Variants in RCL1 observed in about 807,000 individuals in gnomAD.
RCL1 encodes the protein RNA 3'-terminal phosphate cyclase-like protein.
In RCL1, 24 loss-of-function variants were observed where a neutral mutation model predicts 42.4. That is an observed-to-expected ratio of 0.57 (90% CI 0.41 to 0.80). RCL1 has a LOEUF of 0.80. RCL1 is among the 30% of genes least tolerant of loss of function. RCL1 has a pLI of 0.00. For synonymous variants in RCL1, 228 were observed against 177.3 expected (o/e 1.29, Z -2.27); for missense variants, 578 against 467.9 (o/e 1.24, Z -2.17).
intron 1 of RCL1, among the ~76,000 whole-genome samples, chr9:4,815,188 C>A (rs1294244086): frequency 6.6e-6 from 1 of 152,048 alleles, no homozygotes; most frequent in Non-Finnish European, 1.5e-5. Flanking sequence ...TCACCTATTT[C>A]ATTTGGCAGG....
At position 4,860,131 on chromosome 9, in the gene RCL1, A is replaced by AT; in HGVS notation, c.983dup (p.Leu328PhefsTer13). ...TTATTTTTTTCCTTTTTAGGATAGA[A>AT]TTTTTGCGGCATTTGAAGAGCTTTT... On this transcript the variant is annotated frameshift_variant, in exon 9 of 9. Coordinates refer to ENST00000381750, the MANE Select transcript of RCL1 (RefSeq NM_005772.5). LOFTEE classifies it high-confidence loss of function. 6.3e-7 allele frequency: 1 copy of AT among 1,578,244 alleles called. No individual in the cohort carries two copies. Among genetic ancestry groups the AT allele is most frequent in the Non-Finnish European group, 8.6e-7 (1 of 1,166,056 alleles).
chr9:4,844,367 A>G (rs564424304), intron 6 of RCL1, among the ~76,000 whole-genome samples, 158 bp from the exon 7 acceptor site: 1 of 152,334 alleles, frequency 6.6e-6, no homozygotes, highest in East Asian at 1.9e-4. Context: ...CTGGTCAGCT[A>G]GTAAACTAGT....
In RCL1 at chr9:4,852,537, C is replaced by G. The variant is rs550593208; in HGVS notation, c.971+2987C>G. Reference sequence around the variant, plus strand: ...TATCTGGACTTAAGGCTCTACCACGCGCTACCAGGAGACCGTGGAAATGGT... The same window carrying G: ...TATCTGGACTTAAGGCTCTACCACGGGCTACCAGGAGACCGTGGAAATGGT... On this transcript the variant is annotated intron_variant, in intron 8 of 8. Transcript: ENST00000381750. Among the ~76,000 whole-genome samples, 4 of 152,282 alleles carry G rather than the reference C, an allele frequency of 2.6e-5. No individual in the cohort carries two copies. In the East Asian group the frequency reaches 7.7e-4, roughly 29 times the overall value.
intron 1 of RCL1, among the ~76,000 whole-genome samples, chr9:4,808,942 C>T (rs1194363767): frequency 1.3e-5 from 2 of 152,174 alleles, no homozygotes; most frequent in African/African-American, 4.8e-5. Context: ...GTAATCTGTG[C>T]AGGTTACATC....
intron 3 of RCL1, among the ~76,000 whole-genome samples, chr9:4,832,239 A>T (rs1298274772): frequency 6.6e-6 from 1 of 152,182 alleles, no homozygotes; most frequent in Non-Finnish European, 1.5e-5. Context: ...GCCATTAACT[A>T]TGGATGTTGT....
At chr9:4,847,066 A>G (rs1397340827) in intron 7 of RCL1, among the ~76,000 whole-genome samples, 1 of 151,850 alleles carries the variant, frequency 6.6e-6, no homozygotes, top group Admixed American at 6.6e-5. Context: ...TTTAGTAGAG[A>G]TAGGGTTTCT....
chr9:4,825,609 T>C (rs1187717554), intron 2 of RCL1, among the ~76,000 whole-genome samples: 2 of 152,222 alleles, frequency 1.3e-5, no homozygotes, highest in Non-Finnish European at 2.9e-5. Context: ...CTTCCTCTAA[T>C]GTTAAATATA....
chr9:4,854,056 G>A (rs866196603), intron 8 of RCL1, among the ~76,000 whole-genome samples: 3 of 152,120 alleles, frequency 2.0e-5, no homozygotes, highest in Admixed American at 1.3e-4. Flanking sequence ...TTTGTGAAGC[G>A]TTTAAATTCT....
chr9:4,826,748 C>A, intron 2 of RCL1, 110 bp from the exon 3 acceptor site: 3 of 948,954 alleles, frequency 3.2e-6, no homozygotes, highest in South Asian at 1.6e-5. Flanking sequence ...ATTTCGAGCA[C>A]TCTTGGATGC....
At chr9:4,817,119 T>G (rs971890638) in intron 1 of RCL1, among the ~76,000 whole-genome samples, 1 of 127,958 alleles carries the variant, frequency 7.8e-6, no homozygotes, top group African/African-American at 2.9e-5. Flanking sequence ...TCCCGGCCAA[T>G]AATTATTTTT....
In RCL1 at chr9:4,860,406, T is replaced by A; in HGVS notation, c.*131T>A. On this transcript the variant is annotated 3_prime_UTR_variant, in exon 9 of 9. Transcript: ENST00000381750. The stretch of plus-strand genomic sequence containing the variant: ...TTGCTTAATTTTCTGTGAAGAAATA[T>A]CAATATACAAATAAAAGACATCCCT... 4 of 969,740 alleles carry A rather than the reference T, an allele frequency of 4.1e-6. No individual in the cohort carries two copies. 60.1% of individuals were successfully genotyped at this position (969,740 alleles called of 1,614,324 possible). A position where few individuals can be genotyped will look rare whatever the true frequency, so the allele number is the denominator to read the frequency against.
At chr9:4,809,860 A>C (rs538080729) in intron 1 of RCL1, among the ~76,000 whole-genome samples, 73 of 152,186 alleles carry the variant, frequency 4.8e-4, no homozygotes, top group Non-Finnish European at 8.7e-4. Flanking sequence ...TCTGTCACCC[A>C]GGCTGGAATG....
chr9:4,795,641 G>A (rs1287067209), intron 1 of RCL1, among the ~76,000 whole-genome samples: 1 of 152,040 alleles, frequency 6.6e-6, no homozygotes, highest in East Asian at 1.9e-4. Flanking sequence ...TCTCAGAGTT[G>A]GAAAAAACTC....
intron 1 of RCL1, among the ~76,000 whole-genome samples, chr9:4,800,117 G>A (rs1322467210): frequency 1.3e-5 from 2 of 152,090 alleles, no homozygotes; most frequent in Admixed American, 6.5e-5. Flanking sequence ...AAGATCACAA[G>A]TCTTTTTATT....
At chr9:4,842,221 T>C (rs545734894) in intron 6 of RCL1, among the ~76,000 whole-genome samples, 1 of 152,308 alleles carries the variant, frequency 6.6e-6, no homozygotes, top group East Asian at 1.9e-4. Context: ...ATAAGAATAT[T>C]AGAGTCTGGG....
intron 4 of RCL1, among the ~76,000 whole-genome samples, chr9:4,833,699 G>A (rs1370125346): frequency 6.6e-6 from 1 of 152,212 alleles, no homozygotes; most frequent in East Asian, 1.9e-4. Context: ...TCAATCCAAT[G>A]TGGTAAACCG....
chr9:4,801,561 C>T (rs886904908), intron 1 of RCL1, among the ~76,000 whole-genome samples: 6 of 152,080 alleles, frequency 3.9e-5, no homozygotes, highest in African/African-American at 1.4e-4. Context: ...TCCCACTGTG[C>T]ACCTTGTCTT....
At chr9:4,828,767 A>T (rs994772740) in intron 3 of RCL1, among the ~76,000 whole-genome samples, 1 of 152,162 alleles carries the variant, frequency 6.6e-6, no homozygotes. Flanking sequence ...ATATTTTAAA[A>T]ATTTTATATG....
intron 1 of RCL1, among the ~76,000 whole-genome samples, chr9:4,793,510 C>A (rs971005053): frequency 6.6e-6 from 1 of 152,232 alleles, no homozygotes; most frequent in Non-Finnish European, 1.5e-5. Flanking sequence ...GCAACAAATC[C>A]CTGGCGTCGC....
Sources: gnomAD v4.1 joint callset for allele counts (sites outside exome capture counted in the v4.1 genomes callset) on GRCh38, gnomAD v4.1.1 for gene constraint, MANE v1.5 for transcripts, NCBI Gene and HGNC (gene_info 2026-07-23, HGNC 2026-07-21) for gene names.